CSGALNACT1: variants seen among roughly 807,000 people sequenced by gnomAD.
The protein encoded by CSGALNACT1 is chondroitin sulfate N-acetylgalactosaminyltransferase 1.
Under a neutral mutation model 51.0 loss-of-function variants are expected in CSGALNACT1, and 52 were observed. The ratio of observed to expected loss-of-function variants is 1.02; its 90% CI spans 0.82 to 1.29. The LOEUF is 1.29. Among genes scored for constraint, CSGALNACT1 ranks in the 50% most tolerant of loss-of-function variants. The pLI is 0.00. For synonymous variants in CSGALNACT1, 341 were observed against 254.4 expected, an observed-to-expected ratio of 1.34 and a Z score of -3.24; for missense variants, 935 against 679.2, an observed-to-expected ratio of 1.38 and a Z score of -4.19.
At chr8:19,422,905 T>C (rs776672987) in intron 6 of CSGALNACT1, among the ~76,000 whole-genome samples, 1 of 152,238 alleles carries the variant, frequency 6.6e-6, no homozygotes, top group Non-Finnish European at 1.5e-5. Flanking sequence ...TAACTTTCTA[T>C]GTATTTAATA....
At chr8:19,591,304 G>T (rs1002529123) in intron 2 of CSGALNACT1, 1 of 152,158 alleles carries the variant, frequency 6.6e-6, no homozygotes, top group African/African-American at 2.4e-5. Flanking sequence ...CAGAAGGGAA[G>T]AATTACTTAA....
intron 1 of CSGALNACT1, among the ~76,000 whole-genome samples, chr8:19,615,396 C>T (rs1024354891): frequency 3.3e-5 from 5 of 152,180 alleles, no homozygotes; most frequent in Admixed American, 2.6e-4. Flanking sequence ...CAAGAATGCT[C>T]GTGACTTCTT....
chr8:19,701,657 G>A (rs1464045203), intron 1 of CSGALNACT1, among the ~76,000 whole-genome samples: 1 of 152,128 alleles, frequency 6.6e-6, no homozygotes, highest in Non-Finnish European at 1.5e-5. Flanking sequence ...AAATGTTACT[G>A]GATAATGATG....
chr8:19,412,925 G>A (rs115975459), intron 8 of CSGALNACT1, among the ~76,000 whole-genome samples: 1,930 of 152,090 alleles, frequency 0.013, 41 homozygotes, highest in African/African-American at 0.044. Flanking sequence ...CTCTTCTTGT[G>A]GCTTCTTAGT....
At chr8:19,445,774 C>A (rs1174525323) in intron 5 of CSGALNACT1, among the ~76,000 whole-genome samples, 2 of 152,156 alleles carry the variant, frequency 1.3e-5, no homozygotes, top group African/African-American at 4.8e-5. Context: ...TCTTTGTTTT[C>A]CTCTAAATAA....
At chr8:19,595,454 T>C (rs968293566) in intron 2 of CSGALNACT1, among the ~76,000 whole-genome samples, 1 of 152,198 alleles carries the variant, frequency 6.6e-6, no homozygotes, top group Non-Finnish European at 1.5e-5. Context: ...TATTAAAACA[T>C]TTAAGGGTAA....
chr8:19,543,587 A>C (rs1038972990), intron 3 of CSGALNACT1, among the ~76,000 whole-genome samples: 3 of 152,098 alleles, frequency 2.0e-5, no homozygotes, highest in Admixed American at 6.5e-5. Flanking sequence ...CCCTAAACTC[A>C]CAGTCTCCAG....
rs912841957 is a variant in CSGALNACT1, at chr8:19,544,908, C to G, written c.-296-38778G>C. 2.0e-5 allele frequency among the ~76,000 whole-genome samples: 3 copies of G among 152,094 alleles called. No individual in the cohort carries two copies. The East Asian group carries it at 5.8e-4, about 29-fold the overall frequency. ...AAAGGAAGAGGCTATCGTTTACACA[C>G]AGGACACCAGAAGTTCCTTTCCTTT... On this transcript the variant is annotated intron_variant, in intron 3 of 9. Coordinates refer to ENST00000454498, the Ensembl canonical transcript of CSGALNACT1.
intron 1 of CSGALNACT1, among the ~76,000 whole-genome samples, chr8:19,749,513 A>G (rs1388636400): frequency 6.6e-6 from 1 of 152,140 alleles, no homozygotes; most frequent in Non-Finnish European, 1.5e-5. Flanking sequence ...AACTGTAATG[A>G]TTTTGTAAAA....
intron 3 of CSGALNACT1, among the ~76,000 whole-genome samples, chr8:19,590,561 T>G (rs2047586649): frequency 6.6e-6 from 1 of 152,080 alleles, no homozygotes; most frequent in African/African-American, 2.4e-5. Flanking sequence ...CTATTATTTT[T>G]TCCAATTTAT....
At chr8:19,690,475 T>C (rs1216072500) in intron 1 of CSGALNACT1, among the ~76,000 whole-genome samples, 2 of 152,190 alleles carry the variant, frequency 1.3e-5, no homozygotes, top group Non-Finnish European at 2.9e-5. Context: ...AACTATTAAA[T>C]AGTCAAAGAG....
chr8:19,682,744 G>A (rs1010318809), upstream of CSGALNACT1: 14 of 453,958 alleles, frequency 3.1e-5, no homozygotes, highest in Middle Eastern at 6.8e-4. Context: ...GCAAGGCTGC[G>A]GATCCCAGAA....
At chr8:19,547,167 G>A (rs2086671303) in intron 3 of CSGALNACT1, among the ~76,000 whole-genome samples, 1 of 152,136 alleles carries the variant, frequency 6.6e-6, no homozygotes, top group African/African-American at 2.4e-5. Context: ...ACAGGACAAA[G>A]CAAAAATGCC....
chr8:19,418,095 A>G (rs2057242036), intron 8 of CSGALNACT1, among the ~76,000 whole-genome samples: 1 of 152,118 alleles, frequency 6.6e-6, no homozygotes, highest in African/African-American at 2.4e-5. Context: ...TGCCAGTGAC[A>G]CCTTTAATGC....
At chr8:19,684,521 C>A (rs2060861137), upstream of CSGALNACT1, among the ~76,000 whole-genome samples, 1 of 152,114 alleles carries the variant, frequency 6.6e-6, no homozygotes, top group Non-Finnish European at 1.5e-5. Flanking sequence ...TCCCCATAAC[C>A]CCAGGGCTCT....
intron 4 of CSGALNACT1, among the ~76,000 whole-genome samples, chr8:19,473,051 G>C (rs946323611): frequency 1.3e-5 from 2 of 152,006 alleles, no homozygotes; most frequent in African/African-American, 4.8e-5. Flanking sequence ...AACAGGTCAG[G>C]ACTCCATAGC....
rs2088819203 is a variant in CSGALNACT1, at chr8:19,553,620, C to CATATATAAATATATATAT, written c.-297+37539_-297+37540insATATATATATTTATATAT. On this transcript the variant is annotated intron_variant, in intron 3 of 9. Coordinates refer to ENST00000454498, the Ensembl canonical transcript of CSGALNACT1. ...AAAAATACATTTATGTATATAAATA[C>CATATATAAATATATATAT]ATATATATATATATATATAAAAAAA... Among the ~76,000 whole-genome samples the CATATATAAATATATATAT allele has an allele frequency of 1.1e-4, 8 of 71,564 alleles. No individual in the cohort carries two copies. The South Asian group carries it at 3.2e-3, about 29-fold the overall frequency. The allele number at this position is 71,564 out of a possible 152,430, so 46.9% of individuals were successfully genotyped here.
chr8:19,497,524 T>C (rs537827764), intron 4 of CSGALNACT1, among the ~76,000 whole-genome samples: 1 of 152,228 alleles, frequency 6.6e-6, no homozygotes, highest in South Asian at 2.1e-4. Context: ...ATGCTGGAGC[T>C]ATCTGACGGA....
At chr8:19,683,585 A>G (rs964631796), upstream of CSGALNACT1, among the ~76,000 whole-genome samples, 1 of 152,202 alleles carries the variant, frequency 6.6e-6, no homozygotes, top group Non-Finnish European at 1.5e-5. Context: ...AACATTAAAA[A>G]TTTGCCAAAA....
Sources: allele counts gnomAD v4.1 joint callset (sites outside exome capture counted in the v4.1 genomes callset), GRCh38; gene constraint gnomAD v4.1.1; transcripts MANE v1.5; gene names NCBI Gene and HGNC (gene_info 2026-07-23, HGNC 2026-07-21).